Variants in ROBO2 observed in about 807,000 individuals in gnomAD.
ROBO2 encodes roundabout homolog 2.
A neutral mutation model predicts 160.8 loss-of-function variants in ROBO2; 53 were observed. That is an observed-to-expected ratio of 0.33 (90% CI 0.26 to 0.41). The LOEUF is 0.41. Ranked by LOEUF, ROBO2 falls within the 10% of genes least tolerant of loss-of-function variation. The pLI is 1.00. For missense variants in ROBO2, 1,577 were observed against 1,722.4 expected, an observed-to-expected ratio of 0.92 and a Z score of 1.49; for synonymous variants, 664 against 611.7, an observed-to-expected ratio of 1.09 and a Z score of -1.26.
At chr3:76,186,550 C>T (rs1222228388) in intron 2 of ROBO2, among the ~76,000 whole-genome samples, 1 of 152,050 alleles carries the variant, frequency 6.6e-6, no homozygotes, top group Non-Finnish European at 1.5e-5. Flanking sequence ...CACTGGATCC[C>T]ATTCCTCTCT....
At chr3:76,161,901 T>C (rs2072653712) in intron 2 of ROBO2, among the ~76,000 whole-genome samples, 1 of 152,184 alleles carries the variant, frequency 6.6e-6, no homozygotes, top group African/African-American at 2.4e-5. Flanking sequence ...TTTGAGCATG[T>C]TAAATGAAAG....
intron 2 of ROBO2, among the ~76,000 whole-genome samples, chr3:77,002,377 G>T (rs912813577): frequency 6.6e-6 from 1 of 151,552 alleles, no homozygotes; most frequent in Non-Finnish European, 1.5e-5. Context: ...CTATATTTAA[G>T]GGTGTGACTT....
At chr3:76,498,373 G>C (rs1046170989) in intron 2 of ROBO2, among the ~76,000 whole-genome samples, 1 of 152,018 alleles carries the variant, frequency 6.6e-6, no homozygotes, top group Non-Finnish European at 1.5e-5. Flanking sequence ...AAATTCAAAA[G>C]ATGTATTGTA....
At chr3:77,644,658 C>A in intron 24 of ROBO2, 46 bp from the exon 27 acceptor site, 1 of 1,568,004 alleles carries the variant, frequency 6.4e-7, no homozygotes, top group South Asian at 1.1e-5. Flanking sequence ...TAGTTTGCCT[C>A]CATGTTTCTG....
At chr3:77,474,511 A>T (rs2083745608) in intron 2 of ROBO2, among the ~76,000 whole-genome samples, 1 of 152,060 alleles carries the variant, frequency 6.6e-6, no homozygotes, top group African/African-American at 2.4e-5. Context: ...CTGTCATCGA[A>T]TTTATTTCTC....
chr3:76,629,525 A>C (rs760984142), intron 2 of ROBO2, among the ~76,000 whole-genome samples: 12 of 152,132 alleles, frequency 7.9e-5, no homozygotes, highest in Non-Finnish European at 1.3e-4. Flanking sequence ...CCAAAAGACT[A>C]AACCCGTCTA....
rs112824346 is a variant in ROBO2 at position 76,929,345 on chromosome 3, A to G, written c.110-168669A>G. Among the ~76,000 whole-genome samples the G allele has an allele frequency of 5.0e-4, 76 of 152,204 alleles. 1 individual carries two copies. The highest frequency in any genetic ancestry group is 1.8e-3 in the African/African-American group (73 of 41,522). On this transcript the variant is annotated intron_variant, in intron 2 of 26. Transcript: ENST00000487694. ...GCCCATCTCAGTAAGGAGAAACCCC[A>G]TTCTAGTTGCTCAGGCCAGAAACCT...
chr3:76,324,874 A>G (rs2072877313), intron 2 of ROBO2, among the ~76,000 whole-genome samples: 1 of 152,332 alleles, frequency 6.6e-6, no homozygotes, highest in African/African-American at 2.4e-5. Flanking sequence ...TGGGAGGCCA[A>G]GGCAGGCAGA....
At chr3:76,953,643 G>A (rs756319850) in intron 2 of ROBO2, among the ~76,000 whole-genome samples, 25 of 152,042 alleles carry the variant, frequency 1.6e-4, no homozygotes, top group African/African-American at 5.3e-4. Flanking sequence ...TGATCATTTC[G>A]GTCTATATTT....
chr3:76,132,756 A>G (rs1476775133), intron 2 of ROBO2, among the ~76,000 whole-genome samples: 1 of 152,208 alleles, frequency 6.6e-6, no homozygotes, highest in Non-Finnish European at 1.5e-5. Context: ...AAGCCACAAA[A>G]GATTTCCTGG....
intron 2 of ROBO2, among the ~76,000 whole-genome samples, chr3:76,218,652 G>C (rs147019733): frequency 6.6e-6 from 1 of 152,054 alleles, no homozygotes; most frequent in East Asian, 1.9e-4. Flanking sequence ...CACTGCTCAA[G>C]GAAATAAAAG....
chr3:76,778,274 T>C (rs1271896114), intron 2 of ROBO2, among the ~76,000 whole-genome samples: 2 of 151,204 alleles, frequency 1.3e-5, no homozygotes, highest in African/African-American at 4.8e-5. Flanking sequence ...GAGTACTCCC[T>C]ATTCTTCCTT....
chr3:77,380,501 G>T (rs764127973), intron 2 of ROBO2, among the ~76,000 whole-genome samples: 1 of 152,278 alleles, frequency 6.6e-6, no homozygotes, highest in East Asian at 1.9e-4. Flanking sequence ...TATCAAAGGA[G>T]AAGAATGAAA....
At chr3:77,092,492 T>C (rs916937429) in intron 1 of ROBO2, among the ~76,000 whole-genome samples, 6 of 150,222 alleles carry the variant, frequency 4.0e-5, no homozygotes, top group Non-Finnish European at 7.4e-5. Context: ...TGTTCATCTT[T>C]AGGATCCTCT....
At chr3:76,220,076 G>A (rs1373911195) in intron 2 of ROBO2, among the ~76,000 whole-genome samples, 1 of 150,176 alleles carries the variant, frequency 6.7e-6, no homozygotes, top group South Asian at 2.1e-4. Context: ...CTATGGCAAG[G>A]ACAAAAAACC....
chr3:76,149,562 A>C (rs774829174), intron 2 of ROBO2, among the ~76,000 whole-genome samples: 2 of 76,836 alleles, frequency 2.6e-5, no homozygotes, highest in Non-Finnish European at 7.4e-5. Context: ...TAAAGCACAC[A>C]TCATCTGTCT....
At chr3:76,851,760 AAAAAAT>A (rs1253989000) in intron 2 of ROBO2, among the ~76,000 whole-genome samples, 7 of 140,046 alleles carry the variant, frequency 5.0e-5, no homozygotes, top group South Asian at 2.5e-4. Context: ...AAAAAAAAAA[AAAAAAT>A]ATTAACATGT....
At position 75,914,642 on chromosome 3, in the gene ROBO2, C is replaced by A. The variant is rs1038691741; in HGVS notation, c.-14+7682C>A. Among the ~76,000 whole-genome samples the A allele has an allele frequency of 1.2e-4, 18 of 152,052 alleles. 1 individual carries two copies. Among genetic ancestry groups the A allele is most frequent in the African/African-American group, 4.3e-4 (18 of 41,382 alleles). ...TAATTTTTGAAAAGGACCCAAAATC[C>A]CTTTGCACATAAATGCAAAAGAATT... On this transcript the variant is annotated intron_variant, in intron 1 of 26. Transcript: ENST00000487694.
At chr3:76,288,455 C>T (rs530037358) in intron 2 of ROBO2, among the ~76,000 whole-genome samples, 2 of 151,498 alleles carry the variant, frequency 1.3e-5, no homozygotes, top group Non-Finnish European at 2.9e-5. Flanking sequence ...TCCCCATTAA[C>T]AAAGGTTGGT....
Sources: gnomAD v4.1 joint callset for allele counts (sites outside exome capture counted in the v4.1 genomes callset) on GRCh38, gnomAD v4.1.1 for gene constraint, MANE v1.5 for transcripts, NCBI Gene and HGNC (gene_info 2026-07-23, HGNC 2026-07-21) for gene names.